Variants in SCHIP1 observed in about 807,000 individuals in gnomAD.
The protein encoded by SCHIP1 is schwannomin-interacting protein 1.
Under a neutral mutation model 29.7 loss-of-function variants are expected in SCHIP1, and 8 were observed. The ratio of observed to expected loss-of-function variants is 0.27; its 90% CI spans 0.16 to 0.49. The LOEUF (loss-of-function observed/expected upper bound fraction) is 0.49. SCHIP1 is among the 20% of genes least tolerant of loss of function. The pLI is 0.99. For synonymous variants in SCHIP1, 76 were observed against 94.9 expected, an observed-to-expected ratio of 0.80 and a Z score of 1.16; for missense variants, 193 against 294.6, an observed-to-expected ratio of 0.66 and a Z score of 2.52.
the SCHIP1 span, among the ~76,000 whole-genome samples, chr3:159,410,748 A>T: frequency 1.3e-5 from 2 of 152,136 alleles, no homozygotes; most frequent in Non-Finnish European, 2.9e-5. Context: ...TAGAGCTACC[A>T]TATGATCCAG....
At chr3:159,418,144 T>C in the SCHIP1 span, among the ~76,000 whole-genome samples, 1 of 152,196 alleles carries the variant, frequency 6.6e-6, no homozygotes, top group African/African-American at 2.4e-5. Flanking sequence ...TTTTCCCATA[T>C]TGGCACAAAA....
At chr3:159,497,682 C>T in the SCHIP1 span, among the ~76,000 whole-genome samples, 2 of 151,220 alleles carry the variant, frequency 1.3e-5, no homozygotes, top group African/African-American at 2.4e-5. Context: ...GAGGGAAGAG[C>T]GAAAGAGGAA....
At chr3:159,601,499 C>A in the SCHIP1 span, among the ~76,000 whole-genome samples, 2 of 152,174 alleles carry the variant, frequency 1.3e-5, no homozygotes, top group Non-Finnish European at 2.9e-5. Context: ...CCACCCTAGC[C>A]TTTGTTGGCA....
At chr3:159,740,615 G>C in the SCHIP1 span, among the ~76,000 whole-genome samples, 1 of 151,756 alleles carries the variant, frequency 6.6e-6, no homozygotes, top group African/African-American at 2.4e-5. Flanking sequence ...CATAAGTCAA[G>C]ATTCCAAGAA....
chr3:159,346,610 C>T, the SCHIP1 span, among the ~76,000 whole-genome samples: 32 of 151,904 alleles, frequency 2.1e-4, 1 homozygote, highest in Admixed American at 2.1e-3. Context: ...TGTTGGGAGC[C>T]GCATGATTCA....
the SCHIP1 span, among the ~76,000 whole-genome samples, chr3:159,684,981 A>T: frequency 4.6e-5 from 7 of 152,234 alleles, no homozygotes; most frequent in Admixed American, 4.6e-4. Context: ...CAGCCTCCAG[A>T]TTGTCTTTAA....
chr3:159,596,621 A>G, the SCHIP1 span, among the ~76,000 whole-genome samples: 2 of 152,204 alleles, frequency 1.3e-5, no homozygotes, highest in Admixed American at 1.3e-4. Context: ...ATGCAGCCAT[A>G]AAAAAGGATG....
chr3:159,313,756 C>T, the SCHIP1 span, among the ~76,000 whole-genome samples: 1 of 152,094 alleles, frequency 6.6e-6, no homozygotes, highest in Admixed American at 6.6e-5. Context: ...AATCCAGGAT[C>T]CCACATTAAA....
chr3:159,449,125 C>A, the SCHIP1 span, among the ~76,000 whole-genome samples: 1 of 152,328 alleles, frequency 6.6e-6, no homozygotes, highest in East Asian at 1.9e-4. Context: ...ATTGTGCTGG[C>A]ATGGCCTTAC....
At chr3:159,480,409 A>G in the SCHIP1 span, among the ~76,000 whole-genome samples, 2 of 152,146 alleles carry the variant, frequency 1.3e-5, no homozygotes, top group Admixed American at 6.5e-5. Context: ...CAAAACATAG[A>G]CAAATCCAAT....
At chr3:159,896,888 G>A (rs778903981) in exon 7 of SCHIP1, 2 of 1,123,636 alleles carry the variant, frequency 1.8e-6, no homozygotes, top group Non-Finnish European at 2.4e-6. Flanking sequence ...CATTGATAAT[G>A]TCTGAAGCTT....
At chr3:159,764,527 A>C in the SCHIP1 span, 1 of 1,587,438 alleles carries the variant, frequency 6.3e-7, no homozygotes, top group Non-Finnish European at 8.6e-7. This position sits in a 1 kb window ranked among gnomAD's most constrained non-coding sequence, Gnocchi z 6.1. Flanking sequence ...GTCCAACTCC[A>C]CCAAAGTGAC....
At chr3:159,377,103 G>T in the SCHIP1 span, among the ~76,000 whole-genome samples, 1 of 152,128 alleles carries the variant, frequency 6.6e-6, no homozygotes, top group African/African-American at 2.4e-5. Flanking sequence ...AAGTAGTCTT[G>T]ATTGCCAGGG....
the SCHIP1 span, among the ~76,000 whole-genome samples, chr3:159,480,894 G>T: frequency 6.6e-6 from 1 of 152,096 alleles, no homozygotes; most frequent in Non-Finnish European, 1.5e-5. Flanking sequence ...CCGAAAAGAG[G>T]GTCAGCGAAG....
At chr3:159,537,244 A>G in the SCHIP1 span, among the ~76,000 whole-genome samples, 2 of 152,148 alleles carry the variant, frequency 1.3e-5, no homozygotes, top group Admixed American at 6.6e-5. Context: ...ATTGCAGTTC[A>G]CCCCAGTTCT....
At chr3:159,307,432 A>C in the SCHIP1 span, among the ~76,000 whole-genome samples, 31 of 152,320 alleles carry the variant, frequency 2.0e-4, no homozygotes, top group African/African-American at 7.0e-4. Flanking sequence ...ACACATATCT[A>C]GTACATATGC....
chr3:159,819,876 A>G, the SCHIP1 span, among the ~76,000 whole-genome samples: 1 of 152,146 alleles, frequency 6.6e-6, no homozygotes, highest in African/African-American at 2.4e-5. Context: ...AGGTGCTTCC[A>G]TCTTCCTGTC....
At chr3:159,820,209 A>G in the SCHIP1 span, among the ~76,000 whole-genome samples, 2 of 152,186 alleles carry the variant, frequency 1.3e-5, no homozygotes, top group Non-Finnish European at 2.9e-5. Flanking sequence ...GCCCCAAAAG[A>G]GCAACCCTAA....
chr3:159,584,614 C>A, the SCHIP1 span, among the ~76,000 whole-genome samples: 2 of 152,066 alleles, frequency 1.3e-5, no homozygotes, highest in Non-Finnish European at 2.9e-5. Flanking sequence ...AGGGGCCCAG[C>A]AATACCATCA....
Sources: allele counts gnomAD v4.1 joint callset (sites outside exome capture counted in the v4.1 genomes callset), GRCh38; gene constraint gnomAD v4.1.1; non-coding constraint Gnocchi (gnomAD v3.1); transcripts MANE v1.5; gene names NCBI Gene and HGNC (gene_info 2026-07-23, HGNC 2026-07-21).